MACROD2: variants seen among roughly 807,000 people sequenced by gnomAD.
MACROD2 encodes mono-ADP ribosylhydrolase 2.
In MACROD2, 36 loss-of-function variants were observed where a neutral mutation model predicts 70.4. That is an observed-to-expected ratio of 0.51 (90% CI 0.39 to 0.68). MACROD2 has a LOEUF of 0.68. Ranked by LOEUF, MACROD2 falls within the 30% of genes least tolerant of loss-of-function variation. The pLI is 0.00. For missense variants in MACROD2, 496 were observed against 538.4 expected (o/e 0.92, Z 0.78); for synonymous variants, 172 against 178.8 (o/e 0.96, Z 0.30).
At chr20:15,690,956 G>A (rs1021676299) in intron 8 of MACROD2, among the ~76,000 whole-genome samples, 1 of 152,144 alleles carries the variant, frequency 6.6e-6, no homozygotes, top group Admixed American at 6.5e-5. Context: ...GATGGACTGA[G>A]CAAGTCTCTA....
intron 12 of MACROD2, among the ~76,000 whole-genome samples, chr20:15,963,530 C>T (rs911994690): frequency 1.3e-5 from 2 of 152,116 alleles, no homozygotes; most frequent in African/African-American, 2.4e-5. Context: ...TATTTGCTGG[C>T]TATTTCCTCA....
intron 8 of MACROD2, among the ~76,000 whole-genome samples, chr20:15,799,548 T>C (rs1279797662): frequency 6.6e-6 from 1 of 152,238 alleles, no homozygotes; most frequent in Non-Finnish European, 1.5e-5. Flanking sequence ...ACAGTATTTG[T>C]CTTTTTGTGT....
At chr20:15,387,954 T>G (rs2041931) in intron 6 of MACROD2, among the ~76,000 whole-genome samples, 51,770 of 151,814 alleles carry the variant, frequency 0.34, 10,428 homozygotes, top group South Asian at 0.59. Flanking sequence ...TCTCCCTATG[T>G]TTCCTAGGTT....
chr20:15,753,540 A>T (rs1413237099), intron 8 of MACROD2, among the ~76,000 whole-genome samples: 1 of 152,162 alleles, frequency 6.6e-6, no homozygotes, highest in Non-Finnish European at 1.5e-5. Flanking sequence ...TGTTGATTCC[A>T]TGACTTTGCT....
At chr20:14,836,079 AC>A (rs1255298676) in intron 5 of MACROD2, among the ~76,000 whole-genome samples, 3 of 152,070 alleles carry the variant, frequency 2.0e-5, no homozygotes, top group Admixed American at 2.0e-4. Context: ...TAGGTATTAG[AC>A]AAAAACAATC....
chr20:14,406,086 C>T (rs1331510096), intron 3 of MACROD2, among the ~76,000 whole-genome samples: 1 of 152,062 alleles, frequency 6.6e-6, no homozygotes, highest in African/African-American at 2.4e-5. Flanking sequence ...AGGACAAGAT[C>T]TTAGAGGATA....
chr20:14,650,246 G>C (rs143240923), intron 4 of MACROD2, among the ~76,000 whole-genome samples: 294 of 152,196 alleles, frequency 1.9e-3, no homozygotes, highest in African/African-American at 6.4e-3. Context: ...GACTTACTAA[G>C]GAGTCTCAGG....
intron 3 of MACROD2, among the ~76,000 whole-genome samples, chr20:14,382,756 A>G (rs555507050): frequency 8.5e-5 from 13 of 152,258 alleles, no homozygotes; most frequent in African/African-American, 1.9e-4. Context: ...CAAGTATTCT[A>G]TGTTTTCAAA....
At chr20:14,230,669 CTATATATATATATATA>C (rs71190120) in intron 3 of MACROD2, among the ~76,000 whole-genome samples, 1,960 of 92,896 alleles carry the variant, frequency 0.021, 277 homozygotes, top group African/African-American at 0.097. Context: ...CAGGCTGGGC[CTATATATATATATATA>C]TATATATATA....
intron 5 of MACROD2, among the ~76,000 whole-genome samples, chr20:14,775,099 A>G (rs1442783193): frequency 6.6e-6 from 1 of 152,050 alleles, no homozygotes; most frequent in Non-Finnish European, 1.5e-5. Flanking sequence ...AATTGTTTAT[A>G]TTTGTGTTTG....
intron 5 of MACROD2, among the ~76,000 whole-genome samples, chr20:14,812,227 C>T (rs901324115): frequency 1.6e-4 from 24 of 152,042 alleles, no homozygotes; most frequent in African/African-American, 5.6e-4. Context: ...TACATATACA[C>T]CATGGAATAC....
intron 3 of MACROD2, among the ~76,000 whole-genome samples, chr20:14,267,911 G>A (rs959035495): frequency 2.0e-5 from 3 of 151,866 alleles, no homozygotes; most frequent in Non-Finnish European, 4.4e-5. Flanking sequence ...TTAGCTTAAA[G>A]CCAGAAAAAA....
rs565281254 is a variant in MACROD2 at position 15,110,653 on chromosome 20, C to T, written c.419-119287C>T. On this transcript the variant is annotated intron_variant, in intron 5 of 17. Coordinates refer to ENST00000684519, the MANE Select transcript of MACROD2 (RefSeq NM_001351661.2). ...TCTTGTGGCATGTTCTTGCCCTTCACGCAGTACATGCAACAGAAGGAAATA... is the reference window on the plus strand; with the variant it reads ...TCTTGTGGCATGTTCTTGCCCTTCATGCAGTACATGCAACAGAAGGAAATA... Among the ~76,000 whole-genome samples the T allele has an allele frequency of 1.1e-3, 173 of 152,260 alleles. 1 individual carries two copies. In the South Asian group the frequency reaches 0.012, roughly 11 times the overall value.
At chr20:15,102,824 T>G (rs2075883278) in intron 5 of MACROD2, among the ~76,000 whole-genome samples, 1 of 151,910 alleles carries the variant, frequency 6.6e-6, no homozygotes, top group Non-Finnish European at 1.5e-5. Flanking sequence ...AGGCATGATA[T>G]CCCCATATAA....
intron 8 of MACROD2, among the ~76,000 whole-genome samples, chr20:15,778,123 G>A (rs945570866): frequency 6.6e-6 from 1 of 152,108 alleles, no homozygotes; most frequent in Non-Finnish European, 1.5e-5. Flanking sequence ...TTAGAGAAAA[G>A]GATAAAAACC....
intron 5 of MACROD2, among the ~76,000 whole-genome samples, chr20:14,964,489 C>T (rs6043026): frequency 0.016 from 2,432 of 151,772 alleles, 64 homozygotes; most frequent in African/African-American, 0.054. Context: ...AGAAGAATGG[C>T]GTGAATCTGG....
chr20:14,882,796 A>T (rs1182376108), intron 5 of MACROD2, among the ~76,000 whole-genome samples: 1 of 152,116 alleles, frequency 6.6e-6, no homozygotes, highest in Non-Finnish European at 1.5e-5. Context: ...TTTTTTTTAA[A>T]AATAAAGTTT....
intron 8 of MACROD2, among the ~76,000 whole-genome samples, chr20:15,554,042 A>T (rs1409810037): frequency 6.6e-6 from 1 of 152,180 alleles, no homozygotes; most frequent in Non-Finnish European, 1.5e-5. Flanking sequence ...AAAATAAGGG[A>T]GAGGGCTATG....
intron 6 of MACROD2, among the ~76,000 whole-genome samples, chr20:15,324,684 C>T (rs2077908634): frequency 6.6e-6 from 1 of 152,148 alleles, no homozygotes; most frequent in Non-Finnish European, 1.5e-5. Flanking sequence ...TAAATAGAGA[C>T]TGGTGGCCTT....
Sources: gnomAD v4.1 joint callset for allele counts (sites outside exome capture counted in the v4.1 genomes callset) on GRCh38, gnomAD v4.1.1 for gene constraint, MANE v1.5 for transcripts, NCBI Gene and HGNC (gene_info 2026-07-23, HGNC 2026-07-21) for gene names.